Variants in RABL2A observed in about 807,000 individuals in gnomAD.
The protein encoded by RABL2A is rab-like protein 2A.
Under a neutral mutation model 30.7 loss-of-function variants are expected in RABL2A, and 17 were observed. The observed-to-expected ratio is 0.55, with a 90% CI of 0.38 to 0.83. The LOEUF (loss-of-function observed/expected upper bound fraction) is 0.83. Among genes scored for constraint, RABL2A ranks in the 40% least tolerant of loss-of-function variants. The pLI is 0.00. For missense variants in RABL2A, 155 were observed against 272.6 expected (o/e 0.57, Z 3.04); for synonymous variants, 64 against 101.8 (o/e 0.63, Z 2.24).
Position 113,634,976 on chromosome 2 carries a change from C to T in RABL2A, c.218-75C>T, listed in dbSNP as rs1158189856. On this transcript the variant is annotated intron_variant, in intron 4 of 8. Coordinates refer to ENST00000683472, the MANE Select transcript of RABL2A (RefSeq NM_001306158.2). Reference sequence around the variant, plus strand: ...CTCACACATGTGCTGTGGTTTGTGCCGCATGTGTGTTGTATCTTAGTGACT... The same window carrying T: ...CTCACACATGTGCTGTGGTTTGTGCTGCATGTGTGTTGTATCTTAGTGACT... The T allele has an allele frequency of 6.1e-5, 97 of 1,592,672 alleles. No individual in the cohort carries two copies. The East Asian group carries it at 1.5e-3, about 24-fold the overall frequency.
rs1013838679 is a variant in RABL2A at position 113,642,709 on chromosome 2, C to T, written c.*580C>T. On this transcript the variant is annotated 3_prime_UTR_variant, in exon 9 of 9. Coordinates refer to ENST00000683472, the MANE Select transcript of RABL2A (RefSeq NM_001306158.2). Reference sequence around the variant, plus strand: ...AGGCTGGAGTGCAGTGGCGCAGTCTCGGCTCGCTGCAACCTCTGACTCCCT... The same window carrying T: ...AGGCTGGAGTGCAGTGGCGCAGTCTTGGCTCGCTGCAACCTCTGACTCCCT... The T allele has an allele frequency of 2.6e-5, 5 of 193,336 alleles. No individual in the cohort carries two copies. The highest frequency in any genetic ancestry group is 8.1e-5 in the South Asian group (1 of 12,298). 12.0% of individuals were successfully genotyped at this position (193,336 alleles called of 1,614,324 possible).
intron 6 of RABL2A, 134 bp from the exon 7 acceptor site, chr2:113,641,219 C>T: frequency 6.9e-7 from 1 of 1,459,838 alleles, no homozygotes; most frequent in Non-Finnish European, 9.4e-7. Context: ...TCCCTATTAA[C>T]TGAGCTCTTT....
intron 2 of RABL2A, among the ~76,000 whole-genome samples, chr2:113,629,434 G>T (rs957488735): frequency 1.3e-5 from 2 of 152,066 alleles, no homozygotes; most frequent in East Asian, 1.9e-4. Flanking sequence ...TTCTCTGGGG[G>T]CTTTGCTGGT....
chr2:113,637,143 C>T (rs1342409138), intron 5 of RABL2A, among the ~76,000 whole-genome samples: 1 of 152,190 alleles, frequency 6.6e-6, no homozygotes, highest in African/African-American at 2.4e-5. Flanking sequence ...GAGTAGGTGT[C>T]ATCTCATCTG....
chr2:113,634,827 C>T (rs1681892116), intron 4 of RABL2A, among the ~76,000 whole-genome samples: 1 of 152,112 alleles, frequency 6.6e-6, no homozygotes, highest in South Asian at 2.1e-4. Flanking sequence ...GGCCCCTGAC[C>T]CACTGTCTTC....
intron 5 of RABL2A, among the ~76,000 whole-genome samples, chr2:113,638,908 T>A (rs1222720734): frequency 6.6e-6 from 1 of 151,000 alleles, no homozygotes; most frequent in Admixed American, 6.6e-5. Context: ...AATAAATAAA[T>A]AAAAATAAAA....
rs2592645 is a variant in RABL2A at position 113,643,187 on chromosome 2, T to A, written c.*1058T>A. The stretch of plus-strand genomic sequence containing the variant: ...GCATAAAGAGGCTGTCCTTTTTTTT[T>A]AGGAATAGTTTGGACCTTGTGCCTC... On this transcript the variant is annotated 3_prime_UTR_variant, in exon 9 of 9. Coordinates refer to ENST00000683472, the MANE Select transcript of RABL2A (RefSeq NM_001306158.2). The A allele has an allele frequency of 2.2e-5, 10 of 455,452 alleles. No individual in the cohort carries two copies. The highest frequency in any genetic ancestry group is 1.2e-4 in the African/African-American group (6 of 49,974). 28.2% of individuals were successfully genotyped at this position (455,452 alleles called of 1,614,324 possible).
Position 113,633,486 on chromosome 2 carries a change from C to T in RABL2A, c.137+542C>T, listed in dbSNP as rs1472063114. On this transcript the variant is annotated intron_variant, in intron 3 of 8. Transcript: ENST00000683472. ...CACTGAGAACCACAGGTGAGAGGAG[C>T]CCCTGGAGCCTGCTGCTGCCTGTCC... 17 of 203,746 alleles carry T rather than the reference C, an allele frequency of 8.3e-5. No homozygotes were observed. In the South Asian group the frequency reaches 1.3e-3, roughly 16 times the overall value. The allele number at this position is 203,746 out of a possible 1,614,324, so 12.6% of individuals were successfully genotyped here.
chr2:113,631,224 T>C (rs1296685936), intron 2 of RABL2A, among the ~76,000 whole-genome samples: 1 of 152,170 alleles, frequency 6.6e-6, no homozygotes, highest in African/African-American at 2.4e-5. Context: ...ATTCCATCTT[T>C]AAGAGTAGTT....
intron 2 of RABL2A, among the ~76,000 whole-genome samples, chr2:113,630,718 A>G (rs1656637295): frequency 6.7e-6 from 1 of 148,494 alleles, no homozygotes; most frequent in Admixed American, 6.7e-5. Context: ...CAGCTCCCCT[A>G]CCCCCTGTGA....
intron 1 of RABL2A, among the ~76,000 whole-genome samples, chr2:113,628,175 C>G (rs1416284781): frequency 6.6e-6 from 1 of 150,690 alleles, no homozygotes; most frequent in Non-Finnish European, 1.5e-5. Flanking sequence ...CATATCATTT[C>G]TATGTGCCCC....
intron 5 of RABL2A, chr2:113,638,124 A>G: frequency 4.1e-6 from 4 of 985,478 alleles, no homozygotes; most frequent in Non-Finnish European, 4.8e-6. Flanking sequence ...AAGTCATCTG[A>G]GCCTGGTGTG....
chr2:113,639,818 C>T (rs1198965154), intron 5 of RABL2A, among the ~76,000 whole-genome samples: 1 of 149,418 alleles, frequency 6.7e-6, no homozygotes, highest in Non-Finnish European at 1.5e-5. Context: ...ATTATGCCAC[C>T]ACACTCCAGC....
Position 113,641,005 on chromosome 2 carries a change from G to A in RABL2A, c.409G>A (p.Ala137Thr), listed in dbSNP as rs892094333. Residue 137 changes from alanine (A) to threonine (T), a missense_variant and splice_region_variant, in exon 6 of 9, where the codon GCA (alanine) becomes ACA (threonine). This residue lies in a region of RABL2A where 33 missense variants were observed against 30.7 expected (regional missense o/e 1.08). Transcript: ENST00000683472. ...PCIVVANKIDADINVTQKSFN... is the reference protein window; with the variant it reads ...PCIVVANKIDTDINVTQKSFN... Reference sequence around the variant, plus strand: ...CATCGTGGTGGCCAATAAAATTGATGGTGGGGCCATCCCTGCACCTGGGTG... The same window carrying A: ...CATCGTGGTGGCCAATAAAATTGATAGTGGGGCCATCCCTGCACCTGGGTG... 15 of 1,612,944 alleles carry A rather than the reference G, an allele frequency of 9.3e-6. No homozygotes were observed.
chr2:113,638,359 T>G (rs1220601725), intron 5 of RABL2A: 1 of 985,298 alleles, frequency 1.0e-6, no homozygotes, highest in Non-Finnish European at 1.2e-6. Flanking sequence ...CTGGGTGATT[T>G]AGAAGTGAGG....
intron 7 of RABL2A, 111 bp downstream of exon 7, chr2:113,641,561 T>C: frequency 1.2e-5 from 20 of 1,609,214 alleles, no homozygotes; most frequent in Non-Finnish European, 1.7e-5. Context: ...GGACAGTGCA[T>C]GGGCCTGGGT....
At position 113,642,130 on chromosome 2, in the gene RABL2A, G is replaced by A. The variant is rs765140349; in HGVS notation, c.*1G>A. On this transcript the variant is annotated 3_prime_UTR_variant, in exon 9 of 9. Coordinates refer to ENST00000683472, the MANE Select transcript of RABL2A (RefSeq NM_001306158.2). The stretch of plus-strand genomic sequence containing the variant: ...GGAGGTGGCCTCTCCCCACAGCTGA[G>A]GGGCTGGGGCTAGGGGTGGGTGGAG... 129 of 1,613,666 alleles carry A rather than the reference G, an allele frequency of 8.0e-5. No individual in the cohort carries two copies. The highest frequency in any genetic ancestry group is 1.0e-4 in the Non-Finnish European group (123 of 1,179,862).
rs993966285 is a variant in RABL2A at position 113,643,339 on chromosome 2, T to C, written c.*1210T>C. Reference sequence around the variant, plus strand: ...GCATTGTTTGCATTGTGTTTATTAATAGGGTTTTGTTTTTATTGTTTCCTT... The same window carrying C: ...GCATTGTTTGCATTGTGTTTATTAACAGGGTTTTGTTTTTATTGTTTCCTT... On this transcript the variant is annotated 3_prime_UTR_variant, in exon 9 of 9. Coordinates refer to ENST00000683472, the MANE Select transcript of RABL2A (RefSeq NM_001306158.2). The C allele has an allele frequency of 5.8e-6, 2 of 345,300 alleles. No individual in the cohort carries two copies. The highest frequency in any genetic ancestry group is 2.2e-5 in the African/African-American group (1 of 45,778). The allele number at this position is 345,300 out of a possible 1,614,324, so 21.4% of individuals were successfully genotyped here. A position where few individuals can be genotyped will look rare whatever the true frequency, so the allele number is the denominator to read the frequency against.
At chr2:113,640,634 C>T (rs980987942) in intron 5 of RABL2A, 17 of 472,924 alleles carry the variant, frequency 3.6e-5, no homozygotes, top group African/African-American at 3.0e-4. Context: ...GCCTCAACCT[C>T]CCAAAGTGCT....
Sources: gnomAD v4.1 joint callset for allele counts (sites outside exome capture counted in the v4.1 genomes callset) on GRCh38, gnomAD v4.1.1 for gene constraint, gnomAD v4.1.1 regional missense constraint, MANE v1.5 for transcripts, NCBI Gene and HGNC (gene_info 2026-07-23, HGNC 2026-07-21) for gene names.